The following ARG1 variants were observed in gnomAD, a reference collection of about 807,000 sequenced individuals.
ARG1 encodes the protein arginase 1, also known as arginase-1.
Under a neutral mutation model 33.0 loss-of-function variants are expected in ARG1, and 20 were observed. That is an observed-to-expected ratio of 0.61 (90% CI 0.43 to 0.88). The LOEUF (loss-of-function observed/expected upper bound fraction) is 0.88, where lower values mean the gene tolerates loss of function less well. Ranked by LOEUF, ARG1 falls within the 40% of genes least tolerant of loss-of-function variation. ARG1 has a pLI of 0.00. For missense variants in ARG1, 374 were observed against 384.7 expected (o/e 0.97, Z 0.23); for synonymous variants, 146 against 140.6 (o/e 1.04, Z -0.27).
chr6:131,575,028 A>G (rs549970011), intron 1 of ARG1, among the ~76,000 whole-genome samples: 3 of 152,316 alleles, frequency 2.0e-5, no homozygotes, highest in African/African-American at 7.2e-5. Flanking sequence ...CCCAGCTTAG[A>G]AAGTCGGTGG....
Position 131,579,115 on chromosome 6 carries a change from T to C in ARG1, c.135T>C (p.Cys45=), listed in dbSNP as rs372415368. 10 of 1,614,026 alleles carry C rather than the reference T, an allele frequency of 6.2e-6. No individual in the cohort carries two copies. In the African/African-American group the frequency reaches 1.1e-4, roughly 17 times the overall value. Reference sequence around the variant, plus strand: ...CTCAAAACTTTTTAATTTTAGAGTGTGATGTGAAGGATTATGGGGACCTGC... The same window carrying C: ...CTCAAAACTTTTTAATTTTAGAGTGCGATGTGAAGGATTATGGGGACCTGC... ...GLLEKLKEQE[C]DVKDYGDLPF... Residue 45 remains cysteine (C), a synonymous_variant, in exon 3 of 8, where the codon TGT becomes TGC. Transcript: ENST00000368087.
chr6:131,579,607 G>A, intron 3 of ARG1: 1 of 234,476 alleles, frequency 4.3e-6, no homozygotes, highest in Non-Finnish European at 8.5e-6. Context: ...GTTCTTAATT[G>A]CCGATAATAT....
At chr6:131,576,553 TC>T (rs1773621267) in intron 1 of ARG1, 109 bp from the exon 2 acceptor site, 4 of 1,066,362 alleles carry the variant, frequency 3.8e-6, no homozygotes, top group Non-Finnish European at 4.3e-6. Flanking sequence ...CTGTAGGAGC[TC>T]AAAAAATGAT....
chr6:131,574,339 T>A (rs532725209), intron 1 of ARG1: 16 of 1,612,742 alleles, frequency 9.9e-6, no homozygotes, highest in East Asian at 8.9e-5. Flanking sequence ...AGGCCCAAAC[T>A]GCATTTGGAC....
intron 7 of ARG1, 55 bp downstream of exon 7, chr6:131,583,546 T>C: frequency 6.6e-7 from 1 of 1,516,602 alleles, no homozygotes; most frequent in Non-Finnish European, 8.8e-7. Flanking sequence ...CTAATATATA[T>C]TTATACCTCC....
chr6:131,579,128 T>A lies in ARG1; in HGVS notation c.148T>A (p.Tyr50Asn). ...LKEQECDVKDYGDLPFADIPN... is the reference protein window; with the variant it reads ...LKEQECDVKDNGDLPFADIPN... ...AATTTTAGAGTGTGATGTGAAGGAT[T>A]ATGGGGACCTGCCCTTTGCTGACAT... Residue 50 changes from tyrosine to asparagine, a missense_variant, in exon 3 of 8, where the codon TAT (tyrosine) becomes AAT (asparagine). Physicochemically the swap from Tyr to Asn is moderately radical, Grantham distance 143 (BLOSUM62 -2). Transcript: ENST00000368087. The A allele has an allele frequency of 6.2e-7, 1 of 1,614,134 alleles. No individual in the cohort carries two copies. Among genetic ancestry groups the A allele is most frequent in the Non-Finnish European group, 8.5e-7 (1 of 1,179,992 alleles).
intron 3 of ARG1, among the ~76,000 whole-genome samples, chr6:131,580,087 A>T (rs1773844344): frequency 6.6e-6 from 1 of 152,218 alleles, no homozygotes; most frequent in Non-Finnish European, 1.5e-5. Flanking sequence ...ATTTTTGTGC[A>T]TGAGCCTCTT....
intron 6 of ARG1, 94 bp from the exon 7 acceptor site, chr6:131,583,261 G>C (rs1320646654): frequency 2.5e-6 from 4 of 1,603,286 alleles, no homozygotes; most frequent in Non-Finnish European, 3.4e-6. Context: ...GAAATAATGG[G>C]TTGCTACTTT....
chr6:131,579,591 T>G, intron 3 of ARG1: 1 of 251,702 alleles, frequency 4.0e-6, no homozygotes, highest in Non-Finnish European at 7.8e-6. Context: ...AATTCATAGC[T>G]TATTTGTTCT....
Position 131,583,922 on chromosome 6 carries a change from C to A in ARG1, c.*14C>A, listed in dbSNP as rs768028958. The A allele has an allele frequency of 3.7e-6, 6 of 1,612,560 alleles. No individual in the cohort carries two copies. In the African/African-American group the frequency reaches 4.0e-5, roughly 11 times the overall value. On this transcript the variant is annotated 3_prime_UTR_variant, in exon 8 of 8. Coordinates refer to ENST00000368087, the MANE Select transcript of ARG1 (RefSeq NM_000045.4). ...CCACCTAAGTAAATGTGGAAACATC[C>A]GATATAAATCTCATAGTTAATGGCA...
chr6:131,583,163 A>G lies in ARG1; in HGVS notation c.664A>G (p.Arg222Gly), dbSNP rs1303114569. 1 of 1,613,090 alleles carries G rather than the reference A, an allele frequency of 6.2e-7. No homozygotes were observed. The highest frequency in any genetic ancestry group is 1.7e-5 in the Admixed American group (1 of 60,012). ...AGAAACACTCAGCTATCTACTAGGAAGGTAGGATTCTTTTGTGTGTGCACA... is the reference window on the plus strand; with the variant it reads ...AGAAACACTCAGCTATCTACTAGGAGGGTAGGATTCTTTTGTGTGTGCACA... Reference protein sequence around the residue: ...MEETLSYLLGRKKRPIHLSFD... With the variant: ...MEETLSYLLGGKKRPIHLSFD... Residue 222 changes from arginine (R) to glycine (G), a missense_variant and splice_region_variant, in exon 6 of 8, where the codon AGA becomes GGA. Coordinates refer to ENST00000368087, the MANE Select transcript of ARG1 (RefSeq NM_000045.4).
In ARG1 at chr6:131,583,485, A is replaced by C. The variant is rs776782905; in HGVS notation, c.796A>C (p.Lys266Gln). 6.2e-7 allele frequency: 1 copy of C among 1,614,116 alleles called. No homozygotes were observed. Among genetic ancestry groups the C allele is most frequent in the Non-Finnish European group, 8.5e-7 (1 of 1,179,974 alleles). The stretch of plus-strand genomic sequence containing the variant: ...TCTCTACATCACAGAAGAAATCTAC[A>C]AAACAGGTAGTTAACAATCTGAGGT... ...EGLYITEEIYKTGLLSGLDIM... is the reference protein window; with the variant it reads ...EGLYITEEIYQTGLLSGLDIM... Residue 266 changes from lysine to glutamine, a missense_variant, in exon 7 of 8, where the codon AAA becomes CAA. By Grantham distance (53) the Lys-to-Gln change is moderately conservative. Transcript: ENST00000368087.
In ARG1 at chr6:131,577,865, C is replaced by G. The variant is rs1773698059; in HGVS notation, c.130+1130C>G. On this transcript the variant is annotated intron_variant, in intron 2 of 7. Transcript: ENST00000368087. ...GTTGCAGTGAGCTGAGATTGCGCCA[C>G]TGCACCCCAACCTGGGCGACAGAGC... 2.7e-5 allele frequency among the ~76,000 whole-genome samples: 4 copies of G among 149,278 alleles called. No individual in the cohort carries two copies. In the South Asian group the frequency reaches 8.4e-4, roughly 32 times the overall value.
chr6:131,577,022 G>T (rs559627879), intron 2 of ARG1, among the ~76,000 whole-genome samples: 2 of 152,200 alleles, frequency 1.3e-5, no homozygotes, highest in African/African-American at 4.8e-5. Context: ...TAGGGGAGCC[G>T]GGGGAACAGC....
In ARG1 at chr6:131,583,189, CAT is replaced by C. The variant is rs367653966; in HGVS notation, c.665+26_665+27del. 1,413 of 1,602,844 alleles carry C rather than the reference CAT, an allele frequency of 8.8e-4. 13 individuals are homozygous for C. In the African/African-American group the frequency reaches 0.011, roughly 12 times the overall value. ...GGTAGGATTCTTTTGTGTGTGCACA[CAT>C]GTGTGTGCAACAGAAAAGGTTGCTA... On this transcript the variant is annotated intron_variant, in intron 6 of 7. Transcript: ENST00000368087.
At chr6:131,580,890 AG>A (rs1409812781) in intron 3 of ARG1, among the ~76,000 whole-genome samples, 1 of 152,226 alleles carries the variant, frequency 6.6e-6, no homozygotes, top group African/African-American at 2.4e-5. Context: ...TCTCATGCTA[AG>A]GAATTTCTTG....
intron 3 of ARG1, among the ~76,000 whole-genome samples, chr6:131,580,500 G>A (rs1773863655): frequency 1.3e-5 from 2 of 152,138 alleles, no homozygotes; most frequent in Non-Finnish European, 2.9e-5. Flanking sequence ...AAAAGTAATT[G>A]CAGTTTTTAA....
rs954110598 is a variant in ARG1, at chr6:131,581,524, T to C, written c.465+146T>C. 8 of 963,462 alleles carry C rather than the reference T, an allele frequency of 8.3e-6. No individual in the cohort carries two copies. In the Admixed American group the frequency reaches 1.5e-4, roughly 18 times the overall value. The allele number at this position is 963,462 out of a possible 1,614,324, so 59.7% of individuals were successfully genotyped here. ...CTGCAGCCAATAAGCAAAGGGTTGGTTGATAAAAGGCAGTGAGGCTCTCTA... is the reference window on the plus strand; with the variant it reads ...CTGCAGCCAATAAGCAAAGGGTTGGCTGATAAAAGGCAGTGAGGCTCTCTA... On this transcript the variant is annotated intron_variant, in intron 4 of 7. Transcript: ENST00000368087.
At chr6:131,580,421 A>G (rs899077068) in intron 3 of ARG1, among the ~76,000 whole-genome samples, 1 of 152,250 alleles carries the variant, frequency 6.6e-6, no homozygotes, top group Admixed American at 6.5e-5. Context: ...AAAGCTCATG[A>G]TTCTCTGAAT....
Sources: gnomAD v4.1 joint callset for allele counts (sites outside exome capture counted in the v4.1 genomes callset) on GRCh38, gnomAD v4.1.1 for gene constraint, MANE v1.5 for transcripts, NCBI Gene and HGNC (gene_info 2026-07-23, HGNC 2026-07-21) for gene names.